SIAH3: variants seen among roughly 807,000 people sequenced by gnomAD.
The protein encoded by SIAH3 is seven in absentia homolog 3.
In SIAH3, 9 loss-of-function variants were observed where a neutral mutation model predicts 12.6. That is an observed-to-expected ratio of 0.72 (90% CI 0.43 to 1.25). SIAH3 has a LOEUF of 1.25. Ranked by LOEUF, SIAH3 falls within the 50% of genes most tolerant of loss-of-function variation. The probability of loss-of-function intolerance (pLI) is 0.00; values close to 1 mark genes in which losing one functional copy is unlikely to be tolerated. For missense variants in SIAH3, 390 were observed against 365.4 expected (o/e 1.07, Z -0.55); for synonymous variants, 154 against 151.1 (o/e 1.02, Z -0.14).
Position 45,851,742 on chromosome 13 carries a change from G to T in SIAH3, c.-113C>A. 3 of 1,332,732 alleles carry T rather than the reference G, an allele frequency of 2.3e-6. No homozygotes were observed. Among genetic ancestry groups the T allele is most frequent in the East Asian group, 4.7e-5 (2 of 42,640 alleles). 82.6% of individuals were successfully genotyped at this position (1,332,732 alleles called of 1,614,324 possible). A position where few individuals can be genotyped will look rare whatever the true frequency, so the allele number is the denominator to read the frequency against. On this transcript the variant is annotated 5_prime_UTR_variant, in exon 1 of 2. Transcript: ENST00000400405. ...ACTCCGCTCCAGCCCGGCTTAGCGCGCCTTCATATTCATCATCAAAATAAG... is the reference window on the plus strand; with the variant it reads ...ACTCCGCTCCAGCCCGGCTTAGCGCTCCTTCATATTCATCATCAAAATAAG...
intron 1 of SIAH3, among the ~76,000 whole-genome samples, chr13:45,808,350 G>A (rs1950605103): frequency 1.3e-5 from 2 of 152,182 alleles, no homozygotes; most frequent in Non-Finnish European, 2.9e-5. Context: ...AATAGTTCAC[G>A]TCACTGAGCA....
rs1043286057 is a variant in SIAH3, at chr13:45,779,124, G to A, written c.*4259C>T. On this transcript the variant is annotated 3_prime_UTR_variant, in exon 2 of 2. Coordinates refer to ENST00000400405, the MANE Select transcript of SIAH3 (RefSeq NM_198849.3). The stretch of plus-strand genomic sequence containing the variant: ...CACTAAATGTGGAGCTGGAAGATGC[G>A]GTGCAGCACATTATTATATAGTATG... 3 of 152,052 alleles carry A rather than the reference G, an allele frequency of 2.0e-5. No individual in the cohort carries two copies. Among genetic ancestry groups the A allele is most frequent in the African/African-American group, 4.8e-5 (2 of 41,374 alleles). 9.4% of individuals were successfully genotyped at this position (152,052 alleles called of 1,614,324 possible). A position where few individuals can be genotyped will look rare whatever the true frequency, so the allele number is the denominator to read the frequency against.
intron 1 of SIAH3, among the ~76,000 whole-genome samples, chr13:45,808,697 A>C (rs1950606340): frequency 8.7e-6 from 1 of 114,580 alleles, no homozygotes; most frequent in Non-Finnish European, 1.8e-5. Context: ...ACTTATGTCC[A>C]TATGTACGTG....
rs774046592 is a variant in SIAH3, at chr13:45,783,355, G to C, written c.*28C>G. 1 of 1,589,266 alleles carries C rather than the reference G, an allele frequency of 6.3e-7. No homozygotes were observed. The highest frequency in any genetic ancestry group is 8.6e-7 in the Non-Finnish European group (1 of 1,163,030). On this transcript the variant is annotated 3_prime_UTR_variant, in exon 2 of 2. Transcript: ENST00000400405. ...GTCCCAGGCGTTTCCTAGGGAGGCTGTGTGGGGAGCATCCGTGGCTCCTGG... is the reference window on the plus strand; with the variant it reads ...GTCCCAGGCGTTTCCTAGGGAGGCTCTGTGGGGAGCATCCGTGGCTCCTGG...
chr13:45,819,629 A>G (rs563537510), intron 1 of SIAH3, among the ~76,000 whole-genome samples: 15 of 152,298 alleles, frequency 9.8e-5, no homozygotes, highest in African/African-American at 3.4e-4. Flanking sequence ...GGCTTTAGAA[A>G]TAGCTTCTGA....
Position 45,783,602 on chromosome 13 carries a change from G to A in SIAH3, c.591C>T (p.Asp197=). 6 of 1,614,238 alleles carry A rather than the reference G, an allele frequency of 3.7e-6. No individual in the cohort carries two copies. The highest frequency in any genetic ancestry group is 5.1e-6 in the Non-Finnish European group (6 of 1,180,034). Residue 197 remains aspartate, a synonymous_variant, in exon 2 of 2, where the codon GAC becomes GAT. Transcript: ENST00000400405. ...MMLIGTPTQA[D]CFTYRLELNR... is the part of the protein sequence containing the mutation. ...TGAGCTCCAGGCGATAGGTGAAGCA[G>A]TCGGCCTGGGTGGGGGTCCCAATCA...
intron 1 of SIAH3, among the ~76,000 whole-genome samples, chr13:45,807,395 C>G (rs1049342167): frequency 6.6e-6 from 1 of 151,726 alleles, no homozygotes; most frequent in African/African-American, 2.4e-5. Flanking sequence ...AATTGTAAAA[C>G]ATAGAATAAA....
At chr13:45,791,429 A>C (rs1950545325) in intron 1 of SIAH3, among the ~76,000 whole-genome samples, 2 of 152,204 alleles carry the variant, frequency 1.3e-5, no homozygotes, top group African/African-American at 4.8e-5. Flanking sequence ...GGACCACATC[A>C]ATGGAAAGGC....
chr13:45,843,050 G>C (rs1033661957), intron 1 of SIAH3, among the ~76,000 whole-genome samples: 3 of 151,696 alleles, frequency 2.0e-5, no homozygotes, highest in Non-Finnish European at 4.4e-5. Flanking sequence ...GTGTGTGTGT[G>C]TGTGTGTGTG....
At chr13:45,829,143 T>C (rs2137575361) in intron 1 of SIAH3, among the ~76,000 whole-genome samples, 1 of 152,276 alleles carries the variant, frequency 6.6e-6, no homozygotes, top group South Asian at 2.1e-4. Context: ...ATGGAGTAAA[T>C]TGAGGTTTCA....
intron 1 of SIAH3, among the ~76,000 whole-genome samples, chr13:45,808,590 T>C (rs61955372): frequency 0.32 from 49,256 of 152,160 alleles, 8,894 homozygotes; most frequent in Non-Finnish European, 0.41. Flanking sequence ...ATACATTCTG[T>C]GTAGTTATAT....
chr13:45,800,254 G>A (rs1950577007), intron 1 of SIAH3, among the ~76,000 whole-genome samples: 1 of 151,938 alleles, frequency 6.6e-6, no homozygotes, highest in Non-Finnish European at 1.5e-5. Context: ...TTGATATCTT[G>A]TGGAACTATA....
intron 1 of SIAH3, 46 bp from the exon 2 acceptor site, chr13:45,784,103 T>TC (rs1213696492): frequency 8.6e-6 from 13 of 1,508,108 alleles, no homozygotes; most frequent in Non-Finnish European, 1.2e-5. Flanking sequence ...AGGCCCACTC[T>TC]CCCAGGCCGC....
chr13:45,840,219 C>G (rs879336859), intron 1 of SIAH3, among the ~76,000 whole-genome samples: 16 of 152,154 alleles, frequency 1.1e-4, no homozygotes, highest in Non-Finnish European at 2.4e-4. Context: ...GATCGCACCA[C>G]TCCCCTCCAG....
Position 45,783,981 on chromosome 13 carries a change from T to C in SIAH3, c.212A>G (p.His71Arg). 6.2e-7 allele frequency: 1 copy of C among 1,605,436 alleles called. No homozygotes were observed. Among genetic ancestry groups the C allele is most frequent in the Non-Finnish European group, 8.5e-7 (1 of 1,176,140 alleles). The change falls in exon 2 of 2, where the codon CAC becomes CGC. Residue 71 changes from histidine (H) to arginine (R), a missense_variant. Coordinates refer to ENST00000400405, the MANE Select transcript of SIAH3 (RefSeq NM_198849.3). Reference sequence around the variant, plus strand: ...GTGGTGGTGGCGGTGGTGGCAGTGGTGGTGGGAGAGATGGTGAGGGTGGAA... The same window carrying C: ...GTGGTGGTGGCGGTGGTGGCAGTGGCGGTGGGAGAGATGGTGAGGGTGGAA... ...GSFHPHHLSH[H>R]HCHHRHHHHL... is the part of the protein sequence containing the mutation.
chr13:45,814,778 T>G (rs1178859058), intron 1 of SIAH3, among the ~76,000 whole-genome samples: 1 of 151,666 alleles, frequency 6.6e-6, no homozygotes, highest in Non-Finnish European at 1.5e-5. Flanking sequence ...CTGGCTGGAG[T>G]GCAGTGGTGC....
chr13:45,794,623 G>C (rs775994639), intron 1 of SIAH3, among the ~76,000 whole-genome samples: 1 of 152,052 alleles, frequency 6.6e-6, no homozygotes, highest in Non-Finnish European at 1.5e-5. Flanking sequence ...TTTTATAAAG[G>C]GCAGTTCCCC....
chr13:45,846,048 G>A, intron 1 of SIAH3, among the ~76,000 whole-genome samples: 1 of 145,422 alleles, frequency 6.9e-6, no homozygotes, highest in East Asian at 2.0e-4. Flanking sequence ...CTGGGGCAGT[G>A]TAGGAATATA....
At chr13:45,823,905 A>G (rs1391406208) in intron 1 of SIAH3, among the ~76,000 whole-genome samples, 1 of 152,224 alleles carries the variant, frequency 6.6e-6, no homozygotes, top group Non-Finnish European at 1.5e-5. Context: ...TCTCCTCTGT[A>G]GTAACATTGG....
Sources: gnomAD v4.1 joint callset for allele counts (sites outside exome capture counted in the v4.1 genomes callset) on GRCh38, gnomAD v4.1.1 for gene constraint, MANE v1.5 for transcripts, NCBI Gene and HGNC (gene_info 2026-07-23, HGNC 2026-07-21) for gene names.